The following TNRC18 variants were observed in gnomAD, a reference collection of about 807,000 sequenced individuals.
TNRC18 encodes the protein trinucleotide repeat containing 18.
Under a neutral mutation model 226.7 loss-of-function variants are expected in TNRC18, and 69 were observed. The ratio of observed to expected loss-of-function variants is 0.30; its 90% CI spans 0.25 to 0.37. The LOEUF (loss-of-function observed/expected upper bound fraction) is 0.37, where lower values mean the gene tolerates loss of function less well. Ranked by LOEUF, TNRC18 falls within the 10% of genes least tolerant of loss-of-function variation. The pLI is 1.00. For missense variants in TNRC18, 4,754 were observed against 4,256.6 expected (o/e 1.12, Z -3.25); for synonymous variants, 2,449 against 1,927.6 (o/e 1.27, Z -7.09).
At chr7:5,338,926 G>GAAA (rs778716584) in intron 18 of TNRC18, among the ~76,000 whole-genome samples, 14 of 64,304 alleles carry the variant, frequency 2.2e-4, no homozygotes, top group Non-Finnish European at 2.6e-4. Flanking sequence ...ATCTCAAAAG[G>GAAA]AAAAAAAAAA....
intron 25 of TNRC18, among the ~76,000 whole-genome samples, chr7:5,315,442 T>TA (rs1159302292): frequency 8.8e-6 from 1 of 114,170 alleles, no homozygotes; most frequent in Non-Finnish European, 1.9e-5. Context: ...TTTTTTTTTT[T>TA]AAAACAGAGT....
At chr7:5,359,300 CAGGAACA>C in intron 15 of TNRC18, 91 bp downstream of exon 15, 1 of 1,278,020 alleles carries the variant, frequency 7.8e-7, no homozygotes, top group Non-Finnish European at 1.1e-6. Context: ...GGTTTCTGTA[CAGGAACA>C]AAGGGCCTGC....
intron 19 of TNRC18, 98 bp downstream of exon 19, chr7:5,332,524 C>T: frequency 7.4e-7 from 1 of 1,349,956 alleles, no homozygotes; most frequent in Non-Finnish European, 9.8e-7. Flanking sequence ...TGGTTATTAA[C>T]AGTGAAGCCG....
At chr7:5,320,249 T>C (rs1374807453) in intron 24 of TNRC18, 69 bp downstream of exon 24, 10 of 1,299,736 alleles carry the variant, frequency 7.7e-6, no homozygotes, top group Non-Finnish European at 3.3e-6. Flanking sequence ...AGAGTTGGGT[T>C]TTAGTAGCCA....
In TNRC18 at chr7:5,313,627, G is replaced by A. The variant is rs1436619774; in HGVS notation, c.7264C>T (p.Leu2422=). ...ATGGTGATGAGGGGTGCTGGGGCCAGGGAGGTGGCAGGAGCTGGCAGCTCT... is the reference window on the plus strand; with the variant it reads ...ATGGTGATGAGGGGTGCTGGGGCCAAGGAGGTGGCAGGAGCTGGCAGCTCT... ...FAELPAPATS[L]APAPLITMPA... The change falls in exon 27 of 30, where the codon CTG becomes TTG. Residue 2422 remains leucine, a synonymous_variant. Transcript: ENST00000430969. 1 of 1,604,288 alleles carries A rather than the reference G, an allele frequency of 6.2e-7. No individual in the cohort carries two copies. The highest frequency in any genetic ancestry group is 8.5e-7 in the Non-Finnish European group (1 of 1,176,358).
rs564384717 is a variant in TNRC18, at chr7:5,360,919, C to G, written c.4661+675G>C. Among the ~76,000 whole-genome samples the G allele has an allele frequency of 3.3e-5, 5 of 152,182 alleles. No individual in the cohort carries two copies. In the South Asian group the frequency reaches 1.0e-3, roughly 32 times the overall value. ...CTGCTTCCTCAGGGCAGGTCTTGAGCCGCCTAGCGTCTACCCCACCCTCCT... is the reference window on the plus strand; with the variant it reads ...CTGCTTCCTCAGGGCAGGTCTTGAGGCGCCTAGCGTCTACCCCACCCTCCT... On this transcript the variant is annotated intron_variant, in intron 14 of 29. Coordinates refer to ENST00000430969, the MANE Select transcript of TNRC18 (RefSeq NM_001080495.3).
At position 5,403,053 on chromosome 7, in the gene TNRC18, T is replaced by C. The variant is rs115810239; in HGVS notation, c.188-8458A>G. ...AGGCTCTCACTCCCAAACCTACACT[T>C]CTCCACTCAGCCGCACCACCCAGAC... On this transcript the variant is annotated intron_variant, in intron 2 of 29. Coordinates refer to ENST00000430969, the MANE Select transcript of TNRC18 (RefSeq NM_001080495.3). 3.2e-3 allele frequency among the ~76,000 whole-genome samples: 480 copies of C among 152,082 alleles called. 6 individuals are homozygous for C. Among genetic ancestry groups the C allele is most frequent in the African/African-American group, 0.011 (443 of 41,472 alleles).
At chr7:5,379,761 G>A (rs1417110226) in intron 5 of TNRC18, among the ~76,000 whole-genome samples, 1 of 152,236 alleles carries the variant, frequency 6.6e-6, no homozygotes, top group East Asian at 1.9e-4. Flanking sequence ...TACCAGGTGT[G>A]CAGCTCGAAA....
At chr7:5,406,634 T>C (rs754983870) in intron 2 of TNRC18, among the ~76,000 whole-genome samples, 1 of 151,798 alleles carries the variant, frequency 6.6e-6, no homozygotes. Flanking sequence ...GCGGATCACC[T>C]GAAGTCAGGA....
Position 5,324,224 on chromosome 7 carries a change from C to G in TNRC18, c.6432G>C (p.Pro2144=). ...ATCACGGCCACTCACCCGGGGTCAG[C>G]GGCCGCTCCACAGCCCCGCCACGCG... is the stretch of plus-strand genomic sequence containing the variant. The part of the protein sequence containing the change: ...HLPRGGAVER[P]LTPAPRSCII... The change falls in exon 21 of 30, where the codon CCG becomes CCC. Residue 2144 remains proline (P), a synonymous_variant. Transcript: ENST00000430969. This position sits in a 1 kb window ranked among gnomAD's most constrained non-coding sequence, Gnocchi z 4.8. The G allele has an allele frequency of 6.2e-7, 1 of 1,604,226 alleles. No homozygotes were observed. The highest frequency in any genetic ancestry group is 8.5e-7 in the Non-Finnish European group (1 of 1,176,848).
intron 19 of TNRC18, among the ~76,000 whole-genome samples, chr7:5,330,515 A>C (rs925285310): frequency 6.6e-6 from 1 of 151,578 alleles, no homozygotes; most frequent in African/African-American, 2.4e-5. Flanking sequence ...CTGGGATTGC[A>C]GGCGTGAGCC....
At chr7:5,404,037 G>T (rs1197688962) in intron 2 of TNRC18, among the ~76,000 whole-genome samples, 1 of 152,180 alleles carries the variant, frequency 6.6e-6, no homozygotes, top group Admixed American at 6.6e-5. Context: ...CAAAGAATGG[G>T]TTAACACTCT....
At chr7:5,373,611 C>G (rs1414448248) in intron 10 of TNRC18, among the ~76,000 whole-genome samples, 1 of 152,192 alleles carries the variant, frequency 6.6e-6, no homozygotes, top group Non-Finnish European at 1.5e-5. Flanking sequence ...ACAGTCCCAG[C>G]CCCCAAAGCC....
intron 18 of TNRC18, among the ~76,000 whole-genome samples, chr7:5,338,083 T>C (rs946461561): frequency 6.6e-6 from 1 of 152,134 alleles, no homozygotes; most frequent in Non-Finnish European, 1.5e-5. Flanking sequence ...AGGTATGATA[T>C]GGACTTACAA....
At chr7:5,395,052 G>C (rs1780575622) in intron 2 of TNRC18, among the ~76,000 whole-genome samples, 1 of 152,162 alleles carries the variant, frequency 6.6e-6, no homozygotes, top group African/African-American at 2.4e-5. Context: ...CAGGCCCAGA[G>C]AGGACACCCA....
At chr7:5,389,370 C>G (rs367873496) in intron 4 of TNRC18, 34 bp from the exon 5 acceptor site, 4 of 1,239,456 alleles carry the variant, frequency 3.2e-6, no homozygotes, top group Non-Finnish European at 4.0e-6. Flanking sequence ...AGTGAGCGAG[C>G]GCCACCTCCC....
chr7:5,375,911 C>T, intron 9 of TNRC18, 123 bp downstream of exon 9: 1 of 995,566 alleles, frequency 1.0e-6, no homozygotes, highest in Non-Finnish European at 1.4e-6. Flanking sequence ...CCTCCCTGAC[C>T]ACCTGCCCCT....
Position 5,388,066 on chromosome 7 carries a change from C to G in TNRC18, c.1758G>C (p.Gln586His), listed in dbSNP as rs761704162. The G allele has an allele frequency of 1.3e-6, 2 of 1,557,324 alleles. No individual in the cohort carries two copies. The highest frequency in any genetic ancestry group is 1.7e-4 in the Middle Eastern group (1 of 5,996). ...AHGSGEASAM[Q>H]SLIKYSGSFA... ...AGCTGCCACTGTACTTTATAAGGCT[C>G]TGCATGGCCGAGGCCTCTCCAGACC... The change falls in exon 5 of 30, where the codon CAG becomes CAC. Residue 586 changes from glutamine (Q) to histidine (H), a missense_variant. Gln to His is a conservative substitution (Grantham distance 24). Transcript: ENST00000430969.
chr7:5,342,377 C>T (rs1223755314), intron 18 of TNRC18, among the ~76,000 whole-genome samples: 2 of 150,722 alleles, frequency 1.3e-5, no homozygotes, highest in African/African-American at 4.9e-5. Flanking sequence ...TGCAGTGAGC[C>T]GAGATCGCAC....
Sources: gnomAD v4.1 joint callset for allele counts (sites outside exome capture counted in the v4.1 genomes callset) on GRCh38, gnomAD v4.1.1 for gene constraint, Gnocchi (gnomAD v3.1) non-coding constraint, MANE v1.5 for transcripts, NCBI Gene and HGNC (gene_info 2026-07-23, HGNC 2026-07-21) for gene names.